SGCZ: variants seen among roughly 807,000 people sequenced by gnomAD.
SGCZ encodes zeta-sarcoglycan.
SGCZ carries 40 observed loss-of-function variants against 41.3 expected under a neutral mutation model. The observed-to-expected ratio is 0.97, with a 90% CI of 0.75 to 1.26. The LOEUF (loss-of-function observed/expected upper bound fraction) is 1.26. Among genes scored for constraint, SGCZ ranks in the 50% most tolerant of loss-of-function variants. The pLI, the probability that SGCZ is intolerant of heterozygous loss-of-function variation, is 0.00. For synonymous variants in SGCZ, 206 were observed against 137.5 expected (o/e 1.50, Z -3.49); for missense variants, 552 against 369.8 (o/e 1.49, Z -4.04).
chr8:14,810,648 A>C (rs974534865), intron 1 of SGCZ, among the ~76,000 whole-genome samples: 1 of 152,054 alleles, frequency 6.6e-6, no homozygotes, highest in Admixed American at 6.6e-5. Flanking sequence ...GGAGATGGCT[A>C]CAATCAGCAA....
intron 2 of SGCZ, among the ~76,000 whole-genome samples, chr8:14,383,446 G>A (rs770883167): frequency 7.9e-5 from 12 of 152,178 alleles, no homozygotes; most frequent in Non-Finnish European, 1.6e-4. Context: ...TACATATGAT[G>A]TTCCAGGCTA....
chr8:14,500,524 T>G (rs1174408283), intron 2 of SGCZ, among the ~76,000 whole-genome samples: 1 of 151,684 alleles, frequency 6.6e-6, no homozygotes, highest in Non-Finnish European at 1.5e-5. Flanking sequence ...GTTCTGCAAA[T>G]AACAATTTTT....
intron 4 of SGCZ, among the ~76,000 whole-genome samples, chr8:14,198,802 T>A (rs550228321): frequency 6.6e-6 from 1 of 152,228 alleles, no homozygotes; most frequent in Non-Finnish European, 1.5e-5. Context: ...AAATTTCTTA[T>A]GCCTGTCTTT....
At chr8:14,451,283 T>C (rs1800585753) in intron 2 of SGCZ, among the ~76,000 whole-genome samples, 1 of 152,302 alleles carries the variant, frequency 6.6e-6, no homozygotes, top group South Asian at 2.1e-4. Flanking sequence ...TCATTTTTGA[T>C]GAAAATTTAT....
chr8:14,292,315 A>G (rs1429081813), intron 3 of SGCZ, among the ~76,000 whole-genome samples: 3 of 152,062 alleles, frequency 2.0e-5, no homozygotes, highest in African/African-American at 2.4e-5. Context: ...TAGCTACTCA[A>G]TTACGGTTGG....
intron 1 of SGCZ, among the ~76,000 whole-genome samples, chr8:15,095,667 C>T (rs754393822): frequency 1.3e-5 from 2 of 152,130 alleles, no homozygotes; most frequent in Non-Finnish European, 2.9e-5. Flanking sequence ...GCATCATTCA[C>T]TCAGCCAAAA....
intron 1 of SGCZ, among the ~76,000 whole-genome samples, chr8:14,891,046 A>C (rs577155051): frequency 6.6e-6 from 1 of 152,306 alleles, no homozygotes; most frequent in Non-Finnish European, 1.5e-5. Flanking sequence ...CTTATTGACA[A>C]TGCACCTAAT....
At chr8:14,421,246 C>T (rs1300327629) in intron 2 of SGCZ, among the ~76,000 whole-genome samples, 1 of 152,054 alleles carries the variant, frequency 6.6e-6, no homozygotes. Flanking sequence ...CTTTCCTTCT[C>T]CTGCCACACC....
intron 1 of SGCZ, among the ~76,000 whole-genome samples, chr8:14,768,582 T>C (rs1356983956): frequency 1.3e-5 from 2 of 152,232 alleles, no homozygotes; most frequent in Non-Finnish European, 2.9e-5. Context: ...ATGTCTTTTT[T>C]GTCCATGGCC....
intron 1 of SGCZ, among the ~76,000 whole-genome samples, chr8:14,968,432 A>G (rs1306357466): frequency 6.6e-6 from 1 of 152,174 alleles, no homozygotes; most frequent in Non-Finnish European, 1.5e-5. Flanking sequence ...AAATATCCCC[A>G]AACGGATCAA....
chr8:15,205,842 G>A (rs1487977611), intron 1 of SGCZ, among the ~76,000 whole-genome samples: 1 of 152,094 alleles, frequency 6.6e-6, no homozygotes, highest in Non-Finnish European at 1.5e-5. Flanking sequence ...ATTCACAATA[G>A]CAAACACATG....
intron 2 of SGCZ, among the ~76,000 whole-genome samples, chr8:14,478,224 C>T (rs918923162): frequency 1.3e-5 from 2 of 152,218 alleles, no homozygotes; most frequent in African/African-American, 2.4e-5. Context: ...AACAGGTCCT[C>T]GCTAAAACCA....
At chr8:14,607,305 T>G (rs529487335) in intron 1 of SGCZ, among the ~76,000 whole-genome samples, 2 of 152,210 alleles carry the variant, frequency 1.3e-5, no homozygotes, top group African/African-American at 4.8e-5. Context: ...TCCTTCAGAT[T>G]GTACATTTCC....
chr8:15,123,480 G>C (rs1046847859), intron 1 of SGCZ, among the ~76,000 whole-genome samples: 1 of 152,138 alleles, frequency 6.6e-6, no homozygotes, highest in African/African-American at 2.4e-5. Context: ...TTAGACCAGA[G>C]GAGATATAGA....
At chr8:15,190,588 G>C (rs1446277753) in intron 1 of SGCZ, among the ~76,000 whole-genome samples, 2 of 151,822 alleles carry the variant, frequency 1.3e-5, no homozygotes, top group Non-Finnish European at 2.9e-5. Flanking sequence ...ACGAAAGAAT[G>C]GTGCAAATCT....
At chr8:14,603,911 T>C (rs916786990) in intron 1 of SGCZ, among the ~76,000 whole-genome samples, 7 of 152,160 alleles carry the variant, frequency 4.6e-5, no homozygotes, top group Admixed American at 2.6e-4. Context: ...TTAGTTATGC[T>C]TGACCCGCTG....
At chr8:14,332,941 G>GCATATATATACATATATATACATATA (rs1802389646) in intron 2 of SGCZ, among the ~76,000 whole-genome samples, 1 of 148,968 alleles carries the variant, frequency 6.7e-6, no homozygotes, top group South Asian at 2.1e-4. Context: ...ATACATATAT[G>GCATATATATACATATATATACATATA]TGTATATATA....
intron 3 of SGCZ, chr8:14,309,049 T>C: frequency 3.0e-6 from 4 of 1,355,490 alleles, no homozygotes; most frequent in Non-Finnish European, 4.1e-6. Context: ...CCTCCCCTAC[T>C]CTTAATTCCC....
At chr8:14,745,443 G>A (rs532429499) in intron 1 of SGCZ, among the ~76,000 whole-genome samples, 50 of 152,160 alleles carry the variant, frequency 3.3e-4, no homozygotes, top group African/African-American at 1.2e-3. Flanking sequence ...CCTTAGCCAG[G>A]AATGGTGGTG....
Sources: allele counts gnomAD v4.1 joint callset (sites outside exome capture counted in the v4.1 genomes callset), GRCh38; gene constraint gnomAD v4.1.1; transcripts MANE v1.5; gene names NCBI Gene and HGNC (gene_info 2026-07-23, HGNC 2026-07-21).